The following PBDC1 variants were observed in gnomAD, a reference collection of about 807,000 sequenced individuals.
PBDC1 encodes protein PBDC1.
A neutral mutation model predicts 12.0 loss-of-function variants in PBDC1; 3 were observed. That is an observed-to-expected ratio of 0.25 (90% CI 0.11 to 0.64). PBDC1 has a LOEUF of 0.64. Ranked by LOEUF, PBDC1 falls within the 30% of genes least tolerant of loss-of-function variation. The pLI, the probability that PBDC1 is intolerant of heterozygous loss-of-function variation, is 0.84. For missense variants in PBDC1, 162 were observed against 168.1 expected (o/e 0.96, Z 0.20); for synonymous variants, 64 against 56.4 (o/e 1.13, Z -0.60).
chrX:76,177,352 C>G (rs1307945907), intron 5 of PBDC1, among the ~76,000 whole-genome samples: 2 of 110,475 alleles, frequency 1.8e-5, no homozygotes, highest in Non-Finnish European at 3.8e-5. Context: ...ATTTTGAGAC[C>G]AGCCTGGGCA....
intron 4 of PBDC1, 120 bp downstream of exon 4, chrX:76,175,733 C>G: frequency 2.0e-6 from 1 of 512,189 alleles, no homozygotes; most frequent in Non-Finnish European, 3.0e-6. Flanking sequence ...ACCAGAACTT[C>G]TTTTCTAGTT....
In PBDC1 at chrX:76,178,074, C is replaced by A; in HGVS notation, c.*166C>A. 1 of 937,117 alleles carries A rather than the reference C, an allele frequency of 1.1e-6. No individual in the cohort carries two copies. Among genetic ancestry groups the A allele is most frequent in the Non-Finnish European group, 1.4e-6 (1 of 689,952 alleles). The allele number at this position is 937,117 out of a possible 1,213,427, so 77.2% of individuals were successfully genotyped here. A position where few individuals can be genotyped will look rare whatever the true frequency, so the allele number is the denominator to read the frequency against. The stretch of plus-strand genomic sequence containing the variant: ...ACAGTCAGGAGCTGCTCTGGTCATT[C>A]CCTTGTATGAACTGGTCTAAAGACT... On this transcript the variant is annotated 3_prime_UTR_variant, in exon 6 of 6. Transcript: ENST00000373358.
rs782342706 is a variant in PBDC1 at position 76,177,608 on chromosome X, C to A, written c.410-8C>A. On this transcript the variant is annotated splice_region_variant and splice_polypyrimidine_tract_variant and intron_variant, in intron 5 of 5. Coordinates refer to ENST00000373358, the MANE Select transcript of PBDC1 (RefSeq NM_016500.5). ...GTAGGATGATAATCAATTCTGTTCACTTTTCAGCCCCCAGGATACAATTCT... is the reference window on the plus strand; with the variant it reads ...GTAGGATGATAATCAATTCTGTTCAATTTTCAGCCCCCAGGATACAATTCT... The A allele has an allele frequency of 1.1e-5, 13 of 1,164,720 alleles. No homozygotes were observed. The highest frequency in any genetic ancestry group is 1.5e-5 in the Non-Finnish European group (13 of 877,569).
intron 3 of PBDC1, 125 bp downstream of exon 3, chrX:76,175,074 G>T (rs936432719): frequency 8.7e-6 from 5 of 575,360 alleles, no homozygotes; most frequent in Non-Finnish European, 1.4e-5. Context: ...ATTAATGTAA[G>T]TTCTTACCCA....
rs1556797034 is a variant in PBDC1 at position 76,177,008 on chromosome X, C to T, written c.409+16C>T. 13 of 1,088,015 alleles carry T rather than the reference C, an allele frequency of 1.2e-5. No individual in the cohort carries two copies. The highest frequency in any genetic ancestry group is 1.7e-5 in the Non-Finnish European group (13 of 785,112). 89.7% of individuals were successfully genotyped at this position (1,088,015 alleles called of 1,213,427 possible). On this transcript the variant is annotated intron_variant, in intron 5 of 5. Coordinates refer to ENST00000373358, the MANE Select transcript of PBDC1 (RefSeq NM_016500.5). Reference sequence around the variant, plus strand: ...ACCATCTTTGGTGAGTTTCTTCCCTCTGGAATTGTTTCTGTGTAAGGAGAC... The same window carrying T: ...ACCATCTTTGGTGAGTTTCTTCCCTTTGGAATTGTTTCTGTGTAAGGAGAC...
chrX:76,174,031 G>GA (rs1489325788), intron 2 of PBDC1, among the ~76,000 whole-genome samples: 1 of 112,075 alleles, frequency 8.9e-6, no homozygotes, highest in Non-Finnish European at 1.9e-5. Context: ...AAATTACTGA[G>GA]AAAGTATATG....
intron 2 of PBDC1, among the ~76,000 whole-genome samples, chrX:76,174,432 G>A (rs1556796723): frequency 8.9e-6 from 1 of 111,972 alleles, no homozygotes; most frequent in African/African-American, 3.3e-5. Flanking sequence ...TCATTTCTAG[G>A]TGTTACAGTA....
chrX:76,174,538 C>G (rs1207667780), intron 2 of PBDC1, among the ~76,000 whole-genome samples: 1 of 112,022 alleles, frequency 8.9e-6, no homozygotes, highest in African/African-American at 3.2e-5. Context: ...GTTCTCCCAA[C>G]AACTCAGTGG....
At chrX:76,174,339 G>A (rs1025565681) in intron 2 of PBDC1, among the ~76,000 whole-genome samples, 1 of 111,621 alleles carries the variant, frequency 9.0e-6, no homozygotes, top group Non-Finnish European at 1.9e-5. Context: ...GCTCGGTCTC[G>A]TTGGAATGGG....
At chrX:76,176,822 G>A in intron 4 of PBDC1, 59 bp from the exon 5 acceptor site, 2 of 743,237 alleles carry the variant, frequency 2.7e-6, no homozygotes, top group South Asian at 4.3e-5. Flanking sequence ...TCCCTCTCCT[G>A]GCCTTAGTAC....
intron 4 of PBDC1, among the ~76,000 whole-genome samples, chrX:76,176,444 C>T (rs1461629408): frequency 9.0e-6 from 1 of 111,473 alleles, no homozygotes; most frequent in African/African-American, 3.3e-5. Context: ...CGTGAGCCAC[C>T]ACACCCAGCC....
intron 2 of PBDC1, 58 bp from the exon 3 acceptor site, chrX:76,174,832 T>G: frequency 1.0e-6 from 1 of 957,234 alleles, no homozygotes; most frequent in Non-Finnish European, 1.5e-6. Flanking sequence ...TTCCTTAATT[T>G]GCTATTCAGT....
Position 76,176,320 on chromosome X carries a change from A to G in PBDC1, c.298-561A>G, listed in dbSNP as rs1243735938. 2.7e-5 allele frequency among the ~76,000 whole-genome samples: 3 copies of G among 110,363 alleles called. No individual in the cohort carries two copies. The Admixed American group carries it at 2.9e-4, about 11-fold the overall frequency. On this transcript the variant is annotated intron_variant, in intron 4 of 5. Transcript: ENST00000373358. ...AGGTGCATGCTACCATGCCCAGCTAATATTTTGTATTTTTGGTAGAGACAG... is the reference window on the plus strand; with the variant it reads ...AGGTGCATGCTACCATGCCCAGCTAGTATTTTGTATTTTTGGTAGAGACAG...
At chrX:76,174,634 A>G (rs1014271261) in intron 2 of PBDC1, among the ~76,000 whole-genome samples, 2 of 112,486 alleles carry the variant, frequency 1.8e-5, no homozygotes, top group African/African-American at 6.5e-5. Context: ...TTAGTCTCCC[A>G]GCTTTCACTA....
In PBDC1 at chrX:76,177,040, G is replaced by GTCTGGC. The variant is rs782748879; in HGVS notation, c.409+50_409+55dup. On this transcript the variant is annotated intron_variant, in intron 5 of 5. Transcript: ENST00000373358. ...TGTTTCTGTGTAAGGAGACTGAACA[G>GTCTGGC]TCTGGCTTTACTGATGAATCAGTGA... The GTCTGGC allele has an allele frequency of 2.1e-5, 18 of 873,307 alleles. No homozygotes were observed. The African/African-American group carries it at 3.2e-4, about 15-fold the overall frequency. The allele number at this position is 873,307 out of a possible 1,213,427, so 72.0% of individuals were successfully genotyped here. A position where few individuals can be genotyped will look rare whatever the true frequency, so the allele number is the denominator to read the frequency against.
intron 4 of PBDC1, among the ~76,000 whole-genome samples, chrX:76,176,393 G>A (rs1556796948): frequency 9.0e-6 from 1 of 111,147 alleles, no homozygotes; most frequent in African/African-American, 3.3e-5. Context: ...GAGCTCAAGC[G>A]ATCCGCCCGC....
chrX:76,173,478 C>T, intron 1 of PBDC1, 107 bp from the exon 2 acceptor site: 1 of 572,794 alleles, frequency 1.7e-6, no homozygotes, highest in South Asian at 3.5e-5. Context: ...CCGCCTCGGC[C>T]TCCCAAAGTG....
intron 4 of PBDC1, among the ~76,000 whole-genome samples, chrX:76,176,256 C>T (rs1283934152): frequency 9.1e-6 from 1 of 109,494 alleles, no homozygotes; most frequent in Non-Finnish European, 1.9e-5. Flanking sequence ...CAAGCTCAAA[C>T]AGTCCTCCTG....
In PBDC1 at chrX:76,178,059, G is replaced by A. The variant is rs1556797182; in HGVS notation, c.*151G>A. On this transcript the variant is annotated 3_prime_UTR_variant, in exon 6 of 6. Transcript: ENST00000373358. Reference sequence around the variant, plus strand: ...CATCTTTCTAGTCTAACAGTCAGGAGCTGCTCTGGTCATTCCCTTGTATGA... The same window carrying A: ...CATCTTTCTAGTCTAACAGTCAGGAACTGCTCTGGTCATTCCCTTGTATGA... 2 of 1,029,612 alleles carry A rather than the reference G, an allele frequency of 1.9e-6. No homozygotes were observed. Among genetic ancestry groups the A allele is most frequent in the Admixed American group, 3.2e-5 (1 of 31,554 alleles). 84.9% of individuals were successfully genotyped at this position (1,029,612 alleles called of 1,213,427 possible).
Sources: allele counts gnomAD v4.1 joint callset (sites outside exome capture counted in the v4.1 genomes callset), GRCh38; gene constraint gnomAD v4.1.1; transcripts MANE v1.5; gene names NCBI Gene and HGNC (gene_info 2026-07-23, HGNC 2026-07-21).